Variants in CDH12 observed in about 807,000 individuals in gnomAD.
The protein encoded by CDH12 is cadherin-12.
CDH12 carries 41 observed loss-of-function variants against 74.1 expected under a neutral mutation model. That is an observed-to-expected ratio of 0.55 (90% CI 0.43 to 0.72). The LOEUF (loss-of-function observed/expected upper bound fraction) is 0.72, where lower values mean the gene tolerates loss of function less well. Ranked by LOEUF, CDH12 falls within the 30% of genes least tolerant of loss-of-function variation. The probability of loss-of-function intolerance (pLI) is 0.00; values close to 1 mark genes in which losing one functional copy is unlikely to be tolerated. For synonymous variants in CDH12, 399 were observed against 355.0 expected (o/e 1.12, Z -1.39); for missense variants, 945 against 977.2 (o/e 0.97, Z 0.44).
intron 2 of CDH12, among the ~76,000 whole-genome samples, chr5:22,444,316 A>C (rs964103210): frequency 6.6e-6 from 1 of 152,058 alleles, no homozygotes; most frequent in Non-Finnish European, 1.5e-5. Flanking sequence ...ATGGAGTTAA[A>C]ACATTAATTC....
chr5:22,477,150 A>C (rs1295063748), intron 2 of CDH12, among the ~76,000 whole-genome samples: 2 of 152,212 alleles, frequency 1.3e-5, no homozygotes, highest in Non-Finnish European at 2.9e-5. Context: ...AACTTGTGTC[A>C]TGGGGTTTTG....
chr5:22,361,707 G>A lies in CDH12; in HGVS notation c.-333+43550C>T, dbSNP rs552046616. Among the ~76,000 whole-genome samples, 27 of 152,240 alleles carry A rather than the reference G, an allele frequency of 1.8e-4. 1 individual carries two copies. The East Asian group carries it at 5.2e-3, about 29-fold the overall frequency. On this transcript the variant is annotated intron_variant, in intron 3 of 14. Coordinates refer to ENST00000382254, the MANE Select transcript of CDH12 (RefSeq NM_004061.5). ...CTACAAGGCTACAGTAACCAAAACA[G>A]CATGGTACTGGTATGAAAACAGAGA...
intron 1 of CDH12, among the ~76,000 whole-genome samples, chr5:22,768,977 C>T (rs773124656): frequency 1.2e-3 from 185 of 152,108 alleles, no homozygotes; most frequent in Non-Finnish European, 1.4e-3. Context: ...ATCCTCTCTT[C>T]GCTTAGGTTG....
chr5:21,898,430 C>T (rs1464101401), intron 6 of CDH12, among the ~76,000 whole-genome samples: 1 of 151,996 alleles, frequency 6.6e-6, no homozygotes, highest in Non-Finnish European at 1.5e-5. Flanking sequence ...AGGCCAGGCG[C>T]GGTGGCTCAC....
intron 1 of CDH12, among the ~76,000 whole-genome samples, chr5:22,829,912 G>A (rs921686156): frequency 7.2e-5 from 11 of 152,184 alleles, no homozygotes; most frequent in Admixed American, 1.3e-4. Flanking sequence ...GTGACTTACA[G>A]ATGAACCTGA....
chr5:22,310,617 C>T (rs1380964244), intron 3 of CDH12, among the ~76,000 whole-genome samples: 1 of 152,106 alleles, frequency 6.6e-6, no homozygotes, highest in Non-Finnish European at 1.5e-5. Flanking sequence ...CATGTAAGAC[C>T]ATCCAATAGC....
At chr5:21,762,624 A>C (rs115148693) in intron 12 of CDH12, among the ~76,000 whole-genome samples, 4,784 of 152,212 alleles carry the variant, frequency 0.031, 91 homozygotes, top group Middle Eastern at 0.058. Context: ...AAACCCCATA[A>C]ATATATTTTA....
chr5:21,818,863 C>A (rs1037519134), intron 8 of CDH12, among the ~76,000 whole-genome samples: 1 of 151,826 alleles, frequency 6.6e-6, no homozygotes, highest in Non-Finnish European at 1.5e-5. Context: ...AGTCACAATG[C>A]TAAAATGTTA....
chr5:22,347,194 G>A (rs368181232), intron 3 of CDH12, among the ~76,000 whole-genome samples: 6 of 152,178 alleles, frequency 3.9e-5, no homozygotes, highest in African/African-American at 1.4e-4. Flanking sequence ...GTCTGTGAGT[G>A]TGTTGCCAAA....
At chr5:22,326,730 CTG>C (rs1341902936) in intron 3 of CDH12, among the ~76,000 whole-genome samples, 1 of 152,120 alleles carries the variant, frequency 6.6e-6, no homozygotes, top group African/African-American at 2.4e-5. Context: ...CTGTCAAATT[CTG>C]TGTCTATACT....
At chr5:22,837,497 T>C (rs1432220113) in intron 1 of CDH12, among the ~76,000 whole-genome samples, 1 of 152,196 alleles carries the variant, frequency 6.6e-6, no homozygotes, top group Non-Finnish European at 1.5e-5. Context: ...TCCTTCAGAC[T>C]ATTGCCATAT....
chr5:22,256,934 C>G (rs188410846), intron 3 of CDH12, among the ~76,000 whole-genome samples: 44 of 152,070 alleles, frequency 2.9e-4, no homozygotes, highest in Admixed American at 1.9e-3. Context: ...AAATGACCAT[C>G]AATGATAGAA....
chr5:22,124,371 G>T (rs1354130752), intron 4 of CDH12, among the ~76,000 whole-genome samples: 1 of 151,892 alleles, frequency 6.6e-6, no homozygotes. Context: ...TGATCCGCAC[G>T]ACTCGGCCTC....
intron 1 of CDH12, among the ~76,000 whole-genome samples, chr5:22,532,543 A>G (rs1737642507): frequency 6.6e-6 from 1 of 151,010 alleles, no homozygotes; most frequent in Non-Finnish European, 1.5e-5. Context: ...TACTTATTTA[A>G]GATCTAACCC....
chr5:22,360,141 A>G (rs1740736635), intron 3 of CDH12, among the ~76,000 whole-genome samples: 1 of 152,192 alleles, frequency 6.6e-6, no homozygotes, highest in South Asian at 2.1e-4. Flanking sequence ...TGAATCCAGG[A>G]GCTGGTTTTT....
intron 11 of CDH12, among the ~76,000 whole-genome samples, chr5:21,776,846 T>C (rs936269477): frequency 6.6e-6 from 1 of 152,214 alleles, no homozygotes; most frequent in African/African-American, 2.4e-5. Context: ...GATGGCACCA[T>C]TGAGCACAAG....
At chr5:21,812,282 G>C (rs1334548039) in intron 9 of CDH12, among the ~76,000 whole-genome samples, 2 of 152,080 alleles carry the variant, frequency 1.3e-5, no homozygotes, top group East Asian at 1.9e-4. Flanking sequence ...ATATATATTT[G>C]GGACTTTCTA....
chr5:22,185,823 T>G (rs1749908982), intron 4 of CDH12, among the ~76,000 whole-genome samples: 1 of 152,192 alleles, frequency 6.6e-6, no homozygotes, highest in African/African-American at 2.4e-5. Flanking sequence ...AAAAAAAGAT[T>G]TATATCTATA....
intron 1 of CDH12, among the ~76,000 whole-genome samples, chr5:22,675,394 C>G (rs919593025): frequency 2.0e-5 from 3 of 152,164 alleles, no homozygotes; most frequent in Admixed American, 1.3e-4. Flanking sequence ...GCCTAGATTT[C>G]AGAGGATGTA....
Sources: allele counts gnomAD v4.1 joint callset (sites outside exome capture counted in the v4.1 genomes callset), GRCh38; gene constraint gnomAD v4.1.1; transcripts MANE v1.5; gene names NCBI Gene and HGNC (gene_info 2026-07-23, HGNC 2026-07-21).